The following ASTN2 variants were observed in gnomAD, a reference collection of about 807,000 sequenced individuals.
The protein encoded by ASTN2 is astrotactin 2, also known as astrotactin-2.
ASTN2 carries 54 observed loss-of-function variants against 139.8 expected under a neutral mutation model. The ratio of observed to expected loss-of-function variants is 0.39; its 90% confidence interval spans 0.31 to 0.48. The LOEUF is 0.48. ASTN2 is among the 20% of genes least tolerant of loss of function. ASTN2 has a pLI of 0.95. For missense variants in ASTN2, 1,565 were observed against 1,725.1 expected (o/e 0.91, Z 1.64); for synonymous variants, 756 against 719.5 (o/e 1.05, Z -0.81).
intron 13 of ASTN2, among the ~76,000 whole-genome samples, chr9:116,804,568 A>G (rs1165631366): frequency 2.0e-5 from 3 of 152,182 alleles, no homozygotes; most frequent in Non-Finnish European, 4.4e-5. Context: ...ATGCTGAATT[A>G]ATGTTAGTGG....
At chr9:117,013,550 A>G (rs567619921) in intron 6 of ASTN2, among the ~76,000 whole-genome samples, 14 of 151,386 alleles carry the variant, frequency 9.2e-5, no homozygotes, top group African/African-American at 2.9e-4. Context: ...ATGGATTTTC[A>G]GTTCAGCCCA....
chr9:117,300,503 AGAT>A (rs1322547379), intron 1 of ASTN2, among the ~76,000 whole-genome samples: 1 of 152,230 alleles, frequency 6.6e-6, no homozygotes, highest in East Asian at 1.9e-4. Context: ...AAGTCAGCAA[AGAT>A]GATAAGTGTG....
At chr9:117,199,736 T>C (rs1442850936) in intron 3 of ASTN2, among the ~76,000 whole-genome samples, 4 of 152,114 alleles carry the variant, frequency 2.6e-5, no homozygotes, top group Non-Finnish European at 4.4e-5. Context: ...GCCATTTTCA[T>C]GATATTGATT....
At chr9:117,335,987 C>T (rs1372575348) in intron 1 of ASTN2, among the ~76,000 whole-genome samples, 1 of 149,560 alleles carries the variant, frequency 6.7e-6, no homozygotes, top group African/African-American at 2.5e-5. Context: ...ATATTAACAA[C>T]ACACGACAGC....
In ASTN2 at chr9:116,888,013, A is replaced by G. The variant is rs142368995; in HGVS notation, c.1890-24280T>C. Among the ~76,000 whole-genome samples the G allele has an allele frequency of 1.5e-3, 225 of 152,318 alleles. 2 individuals are homozygous for G. The highest frequency in any genetic ancestry group is 0.013 in the Admixed American group (196 of 15,298). ...AAGGATAAATCTGATCGATTCATTC[A>G]GGTAAAATTTCGTATTGATAATATA... On this transcript the variant is annotated intron_variant, in intron 10 of 22. Transcript: ENST00000313400.
In ASTN2 at chr9:116,698,647, A is replaced by T; in HGVS notation, c.2806+27124T>A. 1 of 1,614,160 alleles carries T rather than the reference A, an allele frequency of 6.2e-7. No individual in the cohort carries two copies. Among genetic ancestry groups the T allele is most frequent in the South Asian group, 1.1e-5 (1 of 91,082 alleles). On this transcript the variant is annotated intron_variant, in intron 16 of 22. Coordinates refer to ENST00000313400, the MANE Select transcript of ASTN2 (RefSeq NM_001365068.1). This position sits in a 1 kb window ranked among gnomAD's most constrained non-coding sequence, Gnocchi z 4.4. ...GCTGTTAAGAAGCCCCGGACAGTTA[A>T]CGTGGAAGATTCCTGGGCCATGGAG... is the stretch of plus-strand genomic sequence containing the variant.
At chr9:117,393,750 G>T (rs1000406781) in intron 1 of ASTN2, among the ~76,000 whole-genome samples, 2 of 152,142 alleles carry the variant, frequency 1.3e-5, no homozygotes, top group Non-Finnish European at 2.9e-5. Context: ...GAATGGGCAG[G>T]CTCTGAGGTG....
chr9:116,812,260 C>G (rs946960128), intron 12 of ASTN2, among the ~76,000 whole-genome samples: 2 of 152,124 alleles, frequency 1.3e-5, no homozygotes, highest in Non-Finnish European at 2.9e-5. Flanking sequence ...TCTGACATGG[C>G]AAAGGAGACT....
At chr9:116,473,208 G>T (rs1848871665) in intron 20 of ASTN2, among the ~76,000 whole-genome samples, 1 of 152,142 alleles carries the variant, frequency 6.6e-6, no homozygotes, top group South Asian at 2.1e-4. Context: ...ATGACAGACT[G>T]TCTTCATTCA....
At chr9:116,963,235 C>T (rs1217728795) in intron 10 of ASTN2, among the ~76,000 whole-genome samples, 1 of 152,142 alleles carries the variant, frequency 6.6e-6, no homozygotes, top group East Asian at 1.9e-4. Flanking sequence ...TTCTGTAAGG[C>T]TGGGATGGAT....
Position 117,001,038 on chromosome 9 carries a change from G to C in ASTN2, c.1591+7054C>G, listed in dbSNP as rs540957651. ...CCCTGGAAAAACACACTGGAAATGGGCTGTGGCATGCAGCCAGGAAAACTT... is the reference window on the plus strand; with the variant it reads ...CCCTGGAAAAACACACTGGAAATGGCCTGTGGCATGCAGCCAGGAAAACTT... On this transcript the variant is annotated intron_variant, in intron 7 of 22. Coordinates refer to ENST00000313400, the MANE Select transcript of ASTN2 (RefSeq NM_001365068.1). Among the ~76,000 whole-genome samples, 22 of 152,282 alleles carry C rather than the reference G, an allele frequency of 1.4e-4. No individual in the cohort carries two copies. The South Asian group carries it at 4.1e-3, about 29-fold the overall frequency.
chr9:117,327,289 G>T (rs188759708), intron 1 of ASTN2, among the ~76,000 whole-genome samples: 78 of 152,218 alleles, frequency 5.1e-4, no homozygotes, highest in African/African-American at 1.6e-3. Flanking sequence ...TCCCAACACC[G>T]ACAATTGAGA....
intron 1 of ASTN2, among the ~76,000 whole-genome samples, chr9:117,377,671 C>T (rs1429163487): frequency 6.6e-6 from 1 of 151,146 alleles, no homozygotes; most frequent in East Asian, 1.9e-4. Flanking sequence ...ATAATATATA[C>T]ACAAAAAAGT....
At chr9:117,111,401 C>A (rs1829245097) in intron 4 of ASTN2, among the ~76,000 whole-genome samples, 1 of 150,716 alleles carries the variant, frequency 6.6e-6, no homozygotes. Flanking sequence ...AATATATGCA[C>A]CAAATAGATA....
chr9:116,527,221 A>C (rs188128231), intron 19 of ASTN2, among the ~76,000 whole-genome samples: 1 of 152,354 alleles, frequency 6.6e-6, no homozygotes, highest in Admixed American at 6.5e-5. Context: ...CAAAGGAAAC[A>C]ATCAACAGAG....
At chr9:117,346,098 G>A (rs922512609) in intron 1 of ASTN2, among the ~76,000 whole-genome samples, 6 of 151,754 alleles carry the variant, frequency 4.0e-5, no homozygotes, top group African/African-American at 1.2e-4. Flanking sequence ...GCTCAGGGGT[G>A]TTACAGAATT....
At chr9:116,910,973 T>G (rs1834294259) in intron 10 of ASTN2, among the ~76,000 whole-genome samples, 2 of 152,286 alleles carry the variant, frequency 1.3e-5, no homozygotes, top group Middle Eastern at 3.4e-3. Context: ...AGCATCTGCC[T>G]TATCACCAGA....
At chr9:117,115,648 A>G (rs1829365236) in intron 4 of ASTN2, among the ~76,000 whole-genome samples, 1 of 152,172 alleles carries the variant, frequency 6.6e-6, no homozygotes, top group South Asian at 2.1e-4. Flanking sequence ...TTATTCAAAT[A>G]TTGATTTGTT....
At chr9:116,502,627 G>T (rs1423216899) in intron 19 of ASTN2, among the ~76,000 whole-genome samples, 1 of 149,932 alleles carries the variant, frequency 6.7e-6, no homozygotes, top group East Asian at 2.0e-4. Flanking sequence ...AGAGAAAATC[G>T]GGGTCAGAAA....
Sources: allele counts gnomAD v4.1 joint callset (sites outside exome capture counted in the v4.1 genomes callset), GRCh38; gene constraint gnomAD v4.1.1; non-coding constraint Gnocchi (gnomAD v3.1); transcripts MANE v1.5; gene names NCBI Gene and HGNC (gene_info 2026-07-23, HGNC 2026-07-21).